Variants in GLIS1 observed in about 807,000 individuals in gnomAD.
GLIS1 encodes GLIS family zinc finger 1.
Under a neutral mutation model 63.8 loss-of-function variants are expected in GLIS1, and 24 were observed. That is an observed-to-expected ratio of 0.38 (90% CI 0.27 to 0.53). The LOEUF is 0.53. Among genes scored for constraint, GLIS1 ranks in the 20% least tolerant of loss-of-function variants. The pLI is 0.85. For synonymous variants in GLIS1, 450 were observed against 482.5 expected, an observed-to-expected ratio of 0.93 and a Z score of 0.88; for missense variants, 1,036 against 1,074.1, an observed-to-expected ratio of 0.96 and a Z score of 0.50.
Position 53,514,663 on chromosome 1 carries a change from A to G in GLIS1, c.1845T>C (p.His615=), listed in dbSNP as rs759282152. ...TCTCAGCCATGGGCAGAGGGGACAG[A>G]TGGTGGTGGGAACTGGTGGTGGCAT... ...PLDATTSSHH[H]LSPLPMAEST... Residue 615 remains histidine, a synonymous_variant, in exon 8 of 11, where the codon CAT becomes CAC. Coordinates refer to ENST00000628545, the MANE Select transcript of GLIS1 (RefSeq NM_001367484.1). The G allele has an allele frequency of 1.2e-6, 2 of 1,613,166 alleles. No individual in the cohort carries two copies. Among genetic ancestry groups the G allele is most frequent in the Admixed American group, 1.7e-5 (1 of 59,902 alleles).
At chr1:53,690,675 C>T (rs531173535) in intron 2 of GLIS1, among the ~76,000 whole-genome samples, 21 of 152,306 alleles carry the variant, frequency 1.4e-4, no homozygotes, top group Admixed American at 6.5e-4. Context: ...CCCCTGTTTT[C>T]GGCTGAGAAA....
intron 2 of GLIS1, among the ~76,000 whole-genome samples, chr1:53,664,972 T>G (rs1198578109): frequency 3.3e-5 from 5 of 151,674 alleles, no homozygotes; most frequent in Non-Finnish European, 7.4e-5. Context: ...CAGTACAAAA[T>G]GAGGCCAGAG....
chr1:53,616,897 G>A (rs1645488536), intron 2 of GLIS1, among the ~76,000 whole-genome samples: 1 of 152,118 alleles, frequency 6.6e-6, no homozygotes, highest in Non-Finnish European at 1.5e-5. Context: ...TACTGGGGAA[G>A]TCACAGCTTT....
intron 10 of GLIS1, among the ~76,000 whole-genome samples, chr1:53,507,683 T>A (rs1182488876): frequency 1.3e-5 from 2 of 152,034 alleles, no homozygotes; most frequent in Non-Finnish European, 2.9e-5. Flanking sequence ...CGGGGAGGTG[T>A]GCACAGAAAG....
intron 2 of GLIS1, among the ~76,000 whole-genome samples, chr1:53,719,716 C>T (rs11206210): frequency 0.074 from 11,224 of 152,092 alleles, 811 homozygotes; most frequent in East Asian, 0.28. Context: ...AAACCAAATC[C>T]TCTGTGGAGA....
intron 2 of GLIS1, among the ~76,000 whole-genome samples, chr1:53,617,219 G>A (rs1048198707): frequency 6.6e-6 from 1 of 151,786 alleles, no homozygotes; most frequent in African/African-American, 2.4e-5. Context: ...CCATGACTGG[G>A]AGTACTTGTC....
chr1:53,578,634 G>A (rs1426692295), intron 4 of GLIS1, among the ~76,000 whole-genome samples: 1 of 152,144 alleles, frequency 6.6e-6, no homozygotes, highest in Non-Finnish European at 1.5e-5. Flanking sequence ...CTTTGCTTTG[G>A]CTACCAGGAA....
intron 4 of GLIS1, among the ~76,000 whole-genome samples, chr1:53,591,064 T>G (rs1645189031): frequency 6.6e-6 from 1 of 152,230 alleles, no homozygotes; most frequent in Non-Finnish European, 1.5e-5. Context: ...AACTGCTATT[T>G]TAGTGGGCCA....
intron 4 of GLIS1, among the ~76,000 whole-genome samples, chr1:53,557,245 T>C (rs552374227): frequency 2.0e-5 from 3 of 152,224 alleles, no homozygotes; most frequent in African/African-American, 7.2e-5. Context: ...TTGCTGAACA[T>C]CCTGGACACT....
At position 53,522,991 on chromosome 1, in the gene GLIS1, T is replaced by TC. The variant is rs201536799; in HGVS notation, c.1593+1785_1593+1786insG. Among the ~76,000 whole-genome samples the TC allele has an allele frequency of 1.9e-3, 101 of 52,350 alleles. 10 individuals carry two copies. Among genetic ancestry groups the TC allele is most frequent in the East Asian group, 3.2e-3 (1 of 312 alleles). The allele number at this position is 52,350 out of a possible 152,430, so 34.3% of individuals were successfully genotyped here. ...CTTTTTCTTTTCTTTTCTTTCTTTT[T>TC]TTTTTTTTTTTTTTGAGACAGGGTC... On this transcript the variant is annotated intron_variant, in intron 6 of 10. Transcript: ENST00000628545.
chr1:53,736,499 G>C lies in GLIS1; in HGVS notation c.259+1307C>G, dbSNP rs1200807187. ...AGCGGGGCAAGCCAGGGAGCTCCCGGCAGCAAACATTACTCATGTCTCGCT... is the reference window on the plus strand; with the variant it reads ...AGCGGGGCAAGCCAGGGAGCTCCCGCCAGCAAACATTACTCATGTCTCGCT... On this transcript the variant is annotated intron_variant, in intron 2 of 10. Coordinates refer to ENST00000628545, the MANE Select transcript of GLIS1 (RefSeq NM_001367484.1). Among the ~76,000 whole-genome samples the C allele has an allele frequency of 2.0e-5, 3 of 152,148 alleles. No individual in the cohort carries two copies. In the South Asian group the frequency reaches 6.2e-4, roughly 31 times the overall value.
intron 7 of GLIS1, among the ~76,000 whole-genome samples, chr1:53,516,040 T>G (rs1218143123): frequency 6.6e-6 from 1 of 152,154 alleles, no homozygotes; most frequent in African/African-American, 2.4e-5. Flanking sequence ...GCAGATGCCC[T>G]GGGAGGACTC....
chr1:53,588,357 G>C (rs999584162), intron 4 of GLIS1, among the ~76,000 whole-genome samples: 5 of 152,180 alleles, frequency 3.3e-5, no homozygotes, highest in Admixed American at 6.5e-5. Context: ...TGTTTCAGGG[G>C]AATAATTCTT....
chr1:53,622,189 A>G (rs1393194305), intron 2 of GLIS1, among the ~76,000 whole-genome samples: 1 of 150,706 alleles, frequency 6.6e-6, no homozygotes, highest in Non-Finnish European at 1.5e-5. Flanking sequence ...GCACTTTGGG[A>G]GGCCGAGGTG....
Position 53,594,396 on chromosome 1 carries a change from G to A in GLIS1, c.1032C>T (p.Pro344=). 6.2e-7 allele frequency: 1 copy of A among 1,611,822 alleles called. No individual in the cohort carries two copies. Among genetic ancestry groups the A allele is most frequent in the Non-Finnish European group, 8.5e-7 (1 of 1,179,218 alleles). Residue 344 remains proline, a synonymous_variant, in exon 4 of 11, where the codon CCC becomes CCT. Coordinates refer to ENST00000628545, the MANE Select transcript of GLIS1 (RefSeq NM_001367484.1). ...TTGGGCCAGGCGGCAACTGAGACAG[G>A]GGATAGGGGGGCGGCAGGCCCTGCT... The part of the protein sequence containing the change: ...PHQQGLPPPY[P]LSQLPPGPSL...
intron 2 of GLIS1, among the ~76,000 whole-genome samples, chr1:53,668,898 G>A (rs1184311259): frequency 6.6e-6 from 1 of 152,180 alleles, no homozygotes; most frequent in Non-Finnish European, 1.5e-5. Context: ...AGGGTTGGGG[G>A]CTGAAAGATA....
rs563101243 is a variant in GLIS1 at position 53,679,824 on chromosome 1, C to T, written c.259+57982G>A. 1.5e-4 allele frequency among the ~76,000 whole-genome samples: 23 copies of T among 152,318 alleles called. No homozygotes were observed. The South Asian group carries it at 4.8e-3, about 32-fold the overall frequency. The stretch of plus-strand genomic sequence containing the variant: ...CACACGGTGGACAATGCTGGCCCAA[C>T]TTTTTGACTTCTCTCTCCAGCTCGT... On this transcript the variant is annotated intron_variant, in intron 2 of 10. Transcript: ENST00000628545.
chr1:53,613,396 T>C (rs1645446281), intron 2 of GLIS1, among the ~76,000 whole-genome samples: 1 of 152,232 alleles, frequency 6.6e-6, no homozygotes, highest in Admixed American at 6.5e-5. Context: ...AATTCCTAGA[T>C]GTGGGACTGC....
chr1:53,572,402 G>A (rs563025983), intron 4 of GLIS1, among the ~76,000 whole-genome samples: 10 of 152,270 alleles, frequency 6.6e-5, no homozygotes, highest in East Asian at 1.9e-4. Context: ...AAAGATCAGC[G>A]CAGTCACTGG....
Sources: allele counts gnomAD v4.1 joint callset (sites outside exome capture counted in the v4.1 genomes callset), GRCh38; gene constraint gnomAD v4.1.1; transcripts MANE v1.5; gene names NCBI Gene and HGNC (gene_info 2026-07-23, HGNC 2026-07-21).